The following EYS variants were observed in gnomAD, a reference collection of about 807,000 sequenced individuals.
EYS encodes protein eyes shut homolog.
EYS carries 250 observed loss-of-function variants against 282.1 expected under a neutral mutation model. The observed-to-expected ratio is 0.89, with a 90% confidence interval of 0.80 to 0.98. The LOEUF (loss-of-function observed/expected upper bound fraction) is 0.98. Among genes scored for constraint, EYS ranks in the 50% least tolerant of loss-of-function variants. EYS has a pLI of 0.00. For missense variants in EYS, 4,016 were observed against 3,709.0 expected, an observed-to-expected ratio of 1.08 and a Z score of -2.15; for synonymous variants, 1,355 against 1,282.9, an observed-to-expected ratio of 1.06 and a Z score of -1.20.
chr6:64,007,825 A>G (rs1028798775), intron 33 of EYS, among the ~76,000 whole-genome samples: 68 of 151,962 alleles, frequency 4.5e-4, no homozygotes, highest in African/African-American at 1.6e-3. Context: ...ATTGATTTCT[A>G]TTTTTATTGC....
intron 29 of EYS, among the ~76,000 whole-genome samples, chr6:64,331,599 CCG>C (rs369230071): frequency 0.028 from 3,843 of 135,956 alleles, 92 homozygotes; most frequent in African/African-American, 0.071. Context: ...AATAGCCCCC[CCG>C]CCCGCCCAGT....
At chr6:65,221,024 G>C (rs1258728278) in intron 12 of EYS, among the ~76,000 whole-genome samples, 1 of 152,162 alleles carries the variant, frequency 6.6e-6, no homozygotes, top group East Asian at 1.9e-4. Flanking sequence ...GCAGCAAAGT[G>C]TTCAAGAAGT....
intron 36 of EYS, among the ~76,000 whole-genome samples, chr6:63,842,121 C>T (rs1021429529): frequency 6.6e-6 from 1 of 152,096 alleles, no homozygotes; most frequent in Non-Finnish European, 1.5e-5. Flanking sequence ...TTTGGGTATA[C>T]ACCAGTAATA....
chr6:65,440,791 G>A (rs1021479906), intron 5 of EYS, among the ~76,000 whole-genome samples: 4 of 147,966 alleles, frequency 2.7e-5, no homozygotes, highest in South Asian at 4.2e-4. Context: ...TGCTTCACCA[G>A]GAATACAGTT....
chr6:64,389,821 C>A (rs551472948), intron 28 of EYS, among the ~76,000 whole-genome samples: 1 of 152,120 alleles, frequency 6.6e-6, no homozygotes, highest in African/African-American at 2.4e-5. Context: ...GCGTGAGCGA[C>A]GCAGAAGATG....
At chr6:65,129,304 AC>A (rs1775802509) in intron 12 of EYS, among the ~76,000 whole-genome samples, 2 of 152,016 alleles carry the variant, frequency 1.3e-5, no homozygotes, top group Admixed American at 1.3e-4. Context: ...TGCAACAACA[AC>A]AAAAATTGAC....
At chr6:65,681,007 C>G (rs1476536647) in intron 1 of EYS, among the ~76,000 whole-genome samples, 1 of 151,476 alleles carries the variant, frequency 6.6e-6, no homozygotes, top group East Asian at 1.9e-4. Flanking sequence ...ATCCCTAGAG[C>G]CTTGGTCTAT....
intron 12 of EYS, among the ~76,000 whole-genome samples, chr6:65,135,297 G>C (rs528497064): frequency 6.6e-6 from 1 of 151,964 alleles, no homozygotes; most frequent in South Asian, 2.1e-4. Context: ...CAACCAAAAA[G>C]TTAACTTTTC....
intron 16 of EYS, among the ~76,000 whole-genome samples, chr6:64,907,057 A>T (rs746041495): frequency 1.3e-5 from 2 of 151,980 alleles, no homozygotes; most frequent in African/African-American, 4.8e-5. Context: ...TATTATTATT[A>T]TTTTTTATTA....
intron 29 of EYS, among the ~76,000 whole-genome samples, chr6:64,387,522 T>C (rs906705360): frequency 1.3e-5 from 2 of 152,170 alleles, no homozygotes; most frequent in Non-Finnish European, 2.9e-5. Flanking sequence ...GTTTTATTTA[T>C]GTTTCATCCA....
chr6:65,314,851 T>G (rs1769258262), intron 11 of EYS, among the ~76,000 whole-genome samples: 1 of 152,142 alleles, frequency 6.6e-6, no homozygotes, highest in Non-Finnish European at 1.5e-5. Flanking sequence ...CTGTATCAAC[T>G]AACAATCCCA....
At chr6:65,507,596 C>G (rs916480185) in intron 2 of EYS, among the ~76,000 whole-genome samples, 1 of 152,038 alleles carries the variant, frequency 6.6e-6, no homozygotes, top group Non-Finnish European at 1.5e-5. Flanking sequence ...TCCCACAGTA[C>G]TTAGATACTC....
chr6:65,101,855 A>T (rs1043660646), intron 12 of EYS, among the ~76,000 whole-genome samples: 6 of 151,352 alleles, frequency 4.0e-5, no homozygotes, highest in Middle Eastern at 3.4e-3. Flanking sequence ...ACAATACTGT[A>T]TGTTACCCTA....
chr6:64,825,830 TAA>T (rs777922218), intron 19 of EYS, among the ~76,000 whole-genome samples: 39 of 151,766 alleles, frequency 2.6e-4, no homozygotes, highest in Non-Finnish European at 4.7e-4. Context: ...ATTCAAACTC[TAA>T]GTTATTCATC....
chr6:63,826,617 C>T (rs563812980), intron 36 of EYS, among the ~76,000 whole-genome samples: 15 of 152,054 alleles, frequency 9.9e-5, no homozygotes, highest in East Asian at 7.7e-4. Context: ...CAATTATCAG[C>T]GAAGAATTTT....
At chr6:64,156,006 G>A (rs1774904460) in intron 31 of EYS, among the ~76,000 whole-genome samples, 1 of 150,020 alleles carries the variant, frequency 6.7e-6, no homozygotes, top group African/African-American at 2.5e-5. Context: ...GTGTGTGTGT[G>A]TATGTGTGTA....
chr6:63,727,731 A>ATATAT (rs1193647054), intron 41 of EYS, among the ~76,000 whole-genome samples: 1 of 58,446 alleles, frequency 1.7e-5, no homozygotes, highest in African/African-American at 1.4e-4. Flanking sequence ...AAAAAAAAAA[A>ATATAT]AAAAAAATAT....
At chr6:63,811,159 C>T (rs1475282943) in intron 36 of EYS, among the ~76,000 whole-genome samples, 1 of 152,216 alleles carries the variant, frequency 6.6e-6, no homozygotes, top group African/African-American at 2.4e-5. Context: ...CTTCCCTCCA[C>T]TCCACATTCC....
chr6:65,052,312 A>G (rs896458573), intron 13 of EYS, among the ~76,000 whole-genome samples: 2 of 151,490 alleles, frequency 1.3e-5, no homozygotes, highest in Non-Finnish European at 3.0e-5. Flanking sequence ...TAGAAAGAAA[A>G]TTTATACTTT....
Sources: allele counts gnomAD v4.1 joint callset (sites outside exome capture counted in the v4.1 genomes callset), GRCh38; gene constraint gnomAD v4.1.1; transcripts MANE v1.5; gene names NCBI Gene and HGNC (gene_info 2026-07-23, HGNC 2026-07-21).